MYO6: variants seen among roughly 807,000 people sequenced by gnomAD.
MYO6 encodes the protein unconventional myosin-VI.
In MYO6, 74 loss-of-function variants were observed where a neutral mutation model predicts 178.7. The ratio of observed to expected loss-of-function variants is 0.41; its 90% CI spans 0.34 to 0.50. The LOEUF (loss-of-function observed/expected upper bound fraction) is 0.50, where lower values mean the gene tolerates loss of function less well. Ranked by LOEUF, MYO6 falls within the 20% of genes least tolerant of loss-of-function variation. The pLI is 0.09. For missense variants in MYO6, 1,330 were observed against 1,547.4 expected, an observed-to-expected ratio of 0.86 and a Z score of 2.36; for synonymous variants, 477 against 504.6, an observed-to-expected ratio of 0.95 and a Z score of 0.73.
chr6:75,814,548 C>G (rs1771020731), intron 1 of MYO6, among the ~76,000 whole-genome samples: 1 of 152,130 alleles, frequency 6.6e-6, no homozygotes, highest in African/African-American at 2.4e-5. Context: ...AGCCACCGTT[C>G]CTGGCTGAGC....
At chr6:75,824,469 G>T (rs1252837415) in intron 3 of MYO6, among the ~76,000 whole-genome samples, 3 of 152,052 alleles carry the variant, frequency 2.0e-5, no homozygotes, top group Non-Finnish European at 4.4e-5. Context: ...TTTCATCTGA[G>T]GCATGCCACC....
chr6:75,835,187 T>C (rs150577561), intron 6 of MYO6, among the ~76,000 whole-genome samples: 2 of 152,186 alleles, frequency 1.3e-5, no homozygotes, highest in Non-Finnish European at 2.9e-5. Flanking sequence ...TCCTATAGTT[T>C]ATGAATATGA....
At chr6:75,864,402 C>T (rs796178579) in intron 16 of MYO6, among the ~76,000 whole-genome samples, 20 of 152,286 alleles carry the variant, frequency 1.3e-4, no homozygotes, top group African/African-American at 4.1e-4. Flanking sequence ...TCTTCTGTAT[C>T]CCTATATATT....
intron 32 of MYO6, 70 bp from the exon 33 acceptor site, chr6:75,911,602 A>G: frequency 1.5e-6 from 2 of 1,375,572 alleles, no homozygotes; most frequent in Non-Finnish European, 2.1e-6. Context: ...GGCTTTATAA[A>G]TTAGAAAAAT....
In MYO6 at chr6:75,918,343, A is replaced by G. The variant is rs1290319175; in HGVS notation, c.*3331A>G. The G allele has an allele frequency of 1.3e-5, 2 of 152,254 alleles. No homozygotes were observed. The highest frequency in any genetic ancestry group is 2.9e-5 in the Non-Finnish European group (2 of 68,092). 9.4% of individuals were successfully genotyped at this position (152,254 alleles called of 1,614,324 possible). On this transcript the variant is annotated 3_prime_UTR_variant, in exon 35 of 35. Transcript: ENST00000369977. ...AGTTGTAACAATAAGGAAAGAGAAG[A>G]GCAACAGTGGAAGAGACAGGTTGTG...
rs71544072 is a variant in MYO6, at chr6:75,869,070, A to ATTT, written c.1945-1553_1945-1551dup. Among the ~76,000 whole-genome samples the ATTT allele has an allele frequency of 1.5e-4, 9 of 59,852 alleles. 1 individual carries two copies. Among genetic ancestry groups the ATTT allele is most frequent in the African/African-American group, 4.0e-4 (6 of 15,058 alleles). The allele number at this position is 59,852 out of a possible 152,430, so 39.3% of individuals were successfully genotyped here. ...CTTCTGTTCTTTTGACTTTATCTCC[A>ATTT]TTTTTTTTTTTTTTTTTTTTTTTTT... On this transcript the variant is annotated intron_variant, in intron 18 of 34. Transcript: ENST00000369977.
intron 30 of MYO6, 77 bp downstream of exon 30, chr6:75,898,488 C>A: frequency 8.1e-7 from 1 of 1,241,578 alleles, no homozygotes; most frequent in Non-Finnish European, 1.2e-6. Flanking sequence ...TTATTTGGAC[C>A]AGAACCTGTT....
rs1234204869 is a variant in MYO6, at chr6:75,911,720, CAT to C, written c.3439+23_3439+24del. Reference sequence around the variant, plus strand: ...TCACGTAAGTCAATGGGTGGTAACTCATGAGCTAACTGGAAGATGGGTTAAAA... The same window carrying C: ...TCACGTAAGTCAATGGGTGGTAACTCGAGCTAACTGGAAGATGGGTTAAAA... On this transcript the variant is annotated intron_variant, in intron 33 of 34. Transcript: ENST00000369977. The C allele has an allele frequency of 1.0e-5, 16 of 1,606,858 alleles. No homozygotes were observed. In the East Asian group the frequency reaches 2.7e-4, roughly 27 times the overall value.
intron 1 of MYO6, among the ~76,000 whole-genome samples, chr6:75,767,627 C>T (rs1297127303): frequency 6.6e-6 from 1 of 150,666 alleles, no homozygotes; most frequent in Non-Finnish European, 1.5e-5. Flanking sequence ...TTAAGCGATC[C>T]TCCCACCCCA....
At position 75,914,186 on chromosome 6, in the gene MYO6, A is replaced by G. The variant is rs61734891; in HGVS notation, c.3563A>G (p.Lys1188Arg). The change falls in exon 34 of 35, where the codon AAG (lysine) becomes AGG (arginine). Residue 1188 changes from lysine (K) to arginine (R), a missense_variant. By Grantham distance (26) the Lys-to-Arg change is conservative. Transcript: ENST00000369977. ...GACCAGTACAAAGACCCTCAGAGTA[A>G]GAAAAAAGGCTGGTGGTATGCCCAT... ...PADQYKDPQS[K>R]KKGWWYAHFD... is the part of the protein sequence containing the mutation. 4.8e-4 allele frequency: 776 copies of G among 1,614,192 alleles called. 3 individuals are homozygous for G. The African/African-American group carries it at 9.4e-3, about 20-fold the overall frequency.
chr6:75,771,967 G>A (rs1275942979), intron 1 of MYO6, among the ~76,000 whole-genome samples: 1 of 152,146 alleles, frequency 6.6e-6, no homozygotes, highest in Non-Finnish European at 1.5e-5. Context: ...ATGGTATCTT[G>A]TGGAGGAGTT....
At chr6:75,886,214 A>AT (rs1032751844) in intron 24 of MYO6, 120 bp downstream of exon 24, 1 of 670,016 alleles carries the variant, frequency 1.5e-6, no homozygotes, top group Non-Finnish European at 2.7e-6. Flanking sequence ...TCTTTGTAAA[A>AT]TGATGTATTA....
At chr6:75,797,073 T>C (rs1768924247) in intron 1 of MYO6, among the ~76,000 whole-genome samples, 1 of 152,092 alleles carries the variant, frequency 6.6e-6, no homozygotes, top group Non-Finnish European at 1.5e-5. Flanking sequence ...TTTTTCTGTG[T>C]GTGTATTTAT....
rs773210581 is a variant in MYO6, at chr6:75,879,933, C to T, written c.2191C>T (p.Pro731Ser). ...GCCAGATAAACTTGCAAGATTGGAT[C>T]CAAGACTATTTTGTAAGGTATAAAT... Reference protein sequence around the residue: ...YMPDKLARLDPRLFCKALFKA... With the variant: ...YMPDKLARLDSRLFCKALFKA... Residue 731 changes from proline to serine, a missense_variant, in exon 21 of 35, where the codon CCA becomes TCA. Physicochemically the swap from Pro to Ser is moderately conservative, Grantham distance 74. Coordinates refer to ENST00000369977, the MANE Select transcript of MYO6 (RefSeq NM_004999.4). 2.5e-6 allele frequency: 4 copies of T among 1,613,930 alleles called. No homozygotes were observed. The African/African-American group carries it at 5.3e-5, about 22-fold the overall frequency.
At chr6:75,850,670 A>AC (rs1775178103) in intron 11 of MYO6, among the ~76,000 whole-genome samples, 1 of 152,242 alleles carries the variant, frequency 6.6e-6, no homozygotes, top group South Asian at 2.1e-4. Context: ...CAGATGCTTT[A>AC]CCACATACTG....
intron 2 of MYO6, among the ~76,000 whole-genome samples, chr6:75,819,583 T>C (rs1771672145): frequency 6.6e-6 from 1 of 152,226 alleles, no homozygotes; most frequent in Non-Finnish European, 1.5e-5. Flanking sequence ...GATTTCACAT[T>C]GCATTAGCTA....
chr6:75,885,326 G>A (rs1277671623), intron 23 of MYO6, among the ~76,000 whole-genome samples: 1 of 152,164 alleles, frequency 6.6e-6, no homozygotes, highest in Non-Finnish European at 1.5e-5. Context: ...TTGAGGTCAG[G>A]AATTCAAGAC....
At chr6:75,775,272 C>T (rs1766268186) in intron 1 of MYO6, among the ~76,000 whole-genome samples, 1 of 152,130 alleles carries the variant, frequency 6.6e-6, no homozygotes, top group South Asian at 2.1e-4. Context: ...AGGTTAGAGT[C>T]TTCATAATAG....
intron 1 of MYO6, among the ~76,000 whole-genome samples, chr6:75,813,483 C>T (rs982487586): frequency 3.9e-5 from 6 of 152,156 alleles, no homozygotes; most frequent in East Asian, 1.9e-4. Flanking sequence ...GAGTCAAGGC[C>T]GGGGATCAGG....
Sources: gnomAD v4.1 joint callset for allele counts (sites outside exome capture counted in the v4.1 genomes callset) on GRCh38, gnomAD v4.1.1 for gene constraint, MANE v1.5 for transcripts, NCBI Gene and HGNC (gene_info 2026-07-23, HGNC 2026-07-21) for gene names.